The following RSPH14 variants were observed in gnomAD, a reference collection of about 807,000 sequenced individuals.
RSPH14 encodes the protein rhabdoid tumor deletion region gene 1.
Under a neutral mutation model 26.7 loss-of-function variants are expected in RSPH14, and 20 were observed. That is an observed-to-expected ratio of 0.75 (90% CI 0.53 to 1.09). RSPH14 has a LOEUF of 1.09. RSPH14 is among the 50% of genes least tolerant of loss of function. The pLI is 0.00. For synonymous variants in RSPH14, 177 were observed against 189.3 expected, an observed-to-expected ratio of 0.93 and a Z score of 0.53; for missense variants, 449 against 457.2, an observed-to-expected ratio of 0.98 and a Z score of 0.16.
At chr22:23,165,731 A>G in the RSPH14 span, among the ~76,000 whole-genome samples, 1 of 152,226 alleles carries the variant, frequency 6.6e-6, no homozygotes, top group Non-Finnish European at 1.5e-5. Flanking sequence ...TGACTCTCCC[A>G]GAGTCCAAAA....
chr22:23,139,036 G>A (rs2070539352), intron 2 of RSPH14, 94 bp from the exon 3 acceptor site: 2 of 913,728 alleles, frequency 2.2e-6, no homozygotes, highest in South Asian at 3.1e-5. Context: ...GGGCCAGTTG[G>A]GGCAGGAATG....
intron 4 of RSPH14, among the ~76,000 whole-genome samples, chr22:23,086,550 G>A (rs2068825501): frequency 6.6e-6 from 1 of 152,228 alleles, no homozygotes; most frequent in Non-Finnish European, 1.5e-5. Flanking sequence ...CTATAGTTGA[G>A]GAAAGCACAG....
chr22:23,122,578 A>G (rs556355926), intron 4 of RSPH14: 3 of 159,478 alleles, frequency 1.9e-5, no homozygotes, highest in African/African-American at 7.2e-5. Context: ...ATGGTACCAC[A>G]TGGAAGGATC....
chr22:23,112,568 C>A, intron 4 of RSPH14, among the ~76,000 whole-genome samples: 1 of 152,152 alleles, frequency 6.6e-6, no homozygotes, highest in South Asian at 2.1e-4. Flanking sequence ...CTGGGCTGAG[C>A]TCCTGGTGGA....
chr22:23,141,327 CAAAA>C (rs35460609), intron 1 of RSPH14, among the ~76,000 whole-genome samples: 5 of 82,322 alleles, frequency 6.1e-5, no homozygotes, highest in Non-Finnish European at 7.3e-5. Flanking sequence ...GACTCCGTCT[CAAAA>C]AAAAAAAAAA....
At chr22:23,160,659 A>G in the RSPH14 span, among the ~76,000 whole-genome samples, 4 of 152,096 alleles carry the variant, frequency 2.6e-5, no homozygotes, top group Non-Finnish European at 5.9e-5. Flanking sequence ...GGGAGGCTGG[A>G]GCCAGGTGGG....
intron 4 of RSPH14, among the ~76,000 whole-genome samples, chr22:23,085,529 G>A (rs533215752): frequency 6.6e-6 from 1 of 152,336 alleles, no homozygotes; most frequent in East Asian, 1.9e-4. Context: ...AGCAGTGGAG[G>A]ATGCTCTGCT....
At chr22:23,122,347 C>T (rs1157266947) in intron 4 of RSPH14, 1 of 152,580 alleles carries the variant, frequency 6.6e-6, no homozygotes, top group African/African-American at 2.4e-5. Flanking sequence ...CCACCACACT[C>T]CTGTCCTCTG....
rs935904186 is a variant in RSPH14, at chr22:23,071,942, G to A, written c.422-7809C>T. ...CGGGAAAGGCCGGTGGGGGCTGCAC[G>A]GGGCTGAGGGAGCTGGGAAGTGGAA... On this transcript the variant is annotated intron_variant, in intron 4 of 6. Coordinates refer to ENST00000216036, the MANE Select transcript of RSPH14 (RefSeq NM_014433.3). This position sits in a 1 kb window ranked among gnomAD's most constrained non-coding sequence, Gnocchi z 4.1. Among the ~76,000 whole-genome samples, 4 of 152,246 alleles carry A rather than the reference G, an allele frequency of 2.6e-5. No homozygotes were observed. In the South Asian group the frequency reaches 6.2e-4, roughly 24 times the overall value.
chr22:23,173,086 G>C, the RSPH14 span, among the ~76,000 whole-genome samples: 1 of 152,036 alleles, frequency 6.6e-6, no homozygotes, highest in East Asian at 1.9e-4. Context: ...TCTTTTTAGT[G>C]CTGATTAATA....
At chr22:23,100,350 C>T (rs2069261318) in intron 4 of RSPH14, among the ~76,000 whole-genome samples, 1 of 152,250 alleles carries the variant, frequency 6.6e-6, no homozygotes, top group Admixed American at 6.5e-5. Context: ...CACTTGGGCC[C>T]CACAGGCAGG....
chr22:23,134,548 CAAAAAAAAA>C (rs59412175), intron 3 of RSPH14, among the ~76,000 whole-genome samples: 121 of 86,146 alleles, frequency 1.4e-3, no homozygotes, highest in African/African-American at 4.7e-3. Context: ...AACTCCCAAC[CAAAAAAAAA>C]AAAAAAAAAA....
chr22:23,177,135 C>T, the RSPH14 span, among the ~76,000 whole-genome samples: 1 of 152,246 alleles, frequency 6.6e-6, no homozygotes, highest in African/African-American at 2.4e-5. Flanking sequence ...ACTGCCTACA[C>T]CAGCCTCATC....
the RSPH14 span, chr22:23,161,789 C>T: frequency 2.1e-4 from 114 of 550,118 alleles, no homozygotes; most frequent in East Asian, 1.3e-3. Context: ...CCTGGGAGCC[C>T]CACACCACCG....
chr22:23,097,973 G>C (rs2069175972), intron 4 of RSPH14, among the ~76,000 whole-genome samples: 1 of 152,270 alleles, frequency 6.6e-6, no homozygotes, highest in African/African-American at 2.4e-5. Context: ...GCTGGACACA[G>C]GAGGCAGGAT....
At chr22:23,140,857 G>T (rs1368888621) in intron 1 of RSPH14, among the ~76,000 whole-genome samples, 2 of 152,146 alleles carry the variant, frequency 1.3e-5, no homozygotes, top group Admixed American at 1.3e-4. Context: ...ATAAGGAGGG[G>T]GCTGGTATTA....
At chr22:23,124,753 C>T (rs2070132682) in intron 4 of RSPH14, 1 of 166,188 alleles carries the variant, frequency 6.0e-6, no homozygotes, top group Admixed American at 6.3e-5. Flanking sequence ...TGCTGGGACC[C>T]TGATCTGGGC....
At chr22:23,097,598 G>A (rs2069165189) in intron 4 of RSPH14, among the ~76,000 whole-genome samples, 1 of 152,256 alleles carries the variant, frequency 6.6e-6, no homozygotes, top group Non-Finnish European at 1.5e-5. Context: ...GTACGCAGGC[G>A]GCTGCGTCCA....
the RSPH14 span, chr22:23,162,914 CTT>C: frequency 1.9e-3 from 587 of 301,240 alleles, no homozygotes; most frequent in South Asian, 3.1e-3. Context: ...ATATAAATGA[CTT>C]TTTTTTTTTT....
Sources: allele counts gnomAD v4.1 joint callset (sites outside exome capture counted in the v4.1 genomes callset), GRCh38; gene constraint gnomAD v4.1.1; non-coding constraint Gnocchi (gnomAD v3.1); transcripts MANE v1.5; gene names NCBI Gene and HGNC (gene_info 2026-07-23, HGNC 2026-07-21).